FSTL5: variants seen among roughly 807,000 people sequenced by gnomAD.
FSTL5 encodes follistatin-related protein 5.
A neutral mutation model predicts 89.1 loss-of-function variants in FSTL5; 62 were observed. That is an observed-to-expected ratio of 0.70 (90% CI 0.57 to 0.86). FSTL5 has a LOEUF of 0.86. FSTL5 is among the 40% of genes least tolerant of loss of function. The pLI is 0.00. For missense variants in FSTL5, 1,057 were observed against 1,001.6 expected (o/e 1.06, Z -0.75); for synonymous variants, 383 against 346.2 (o/e 1.11, Z -1.18).
chr4:161,662,014 T>G (rs1425361306), intron 6 of FSTL5, among the ~76,000 whole-genome samples: 1 of 151,938 alleles, frequency 6.6e-6, no homozygotes, highest in Non-Finnish European at 1.5e-5. Flanking sequence ...TGTTGAGGAT[T>G]TTTTTTCATT....
chr4:162,076,438 G>A (rs1455318682), intron 2 of FSTL5, among the ~76,000 whole-genome samples: 1 of 151,834 alleles, frequency 6.6e-6, no homozygotes, highest in Non-Finnish European at 1.5e-5. Flanking sequence ...AAAATATAAT[G>A]TGCATTACAT....
In FSTL5 at chr4:161,386,420, G is replaced by A; in HGVS notation, c.1871C>T (p.Ala624Val). 6.2e-7 allele frequency: 1 copy of A among 1,611,526 alleles called. No individual in the cohort carries two copies. Among genetic ancestry groups the A allele is most frequent in the Non-Finnish European group, 8.5e-7 (1 of 1,178,664 alleles). ...TTCAAGATCAATTTTTTGTAGTGCAGCTTCATCTTTATGAAGAATAAATCC... is the reference window on the plus strand; with the variant it reads ...TTCAAGATCAATTTTTTGTAGTGCAACTTCATCTTTATGAAGAATAAATCC... ...RFGFILHKDE[A>V]ALQKIDLETM... The change falls in exon 16 of 16, where the codon GCT (alanine) becomes GTT (valine). Residue 624 changes from alanine to valine, a missense_variant. By Grantham distance (64) the Ala-to-Val change is moderately conservative (BLOSUM62 0). Coordinates refer to ENST00000306100, the MANE Select transcript of FSTL5 (RefSeq NM_020116.5).
At chr4:161,897,888 C>A (rs202118300) in intron 4 of FSTL5, among the ~76,000 whole-genome samples, 1 of 151,532 alleles carries the variant, frequency 6.6e-6, no homozygotes, top group Non-Finnish European at 1.5e-5. Flanking sequence ...ATTCATTCAT[C>A]CCCTTACCTA....
intron 2 of FSTL5, among the ~76,000 whole-genome samples, chr4:162,056,632 A>G (rs552775922): frequency 3.0e-4 from 45 of 152,298 alleles, no homozygotes; most frequent in African/African-American, 8.2e-4. Flanking sequence ...CAAAATCACT[A>G]TTTATTGTTT....
At chr4:161,976,813 C>T (rs950917569) in intron 3 of FSTL5, among the ~76,000 whole-genome samples, 4 of 152,012 alleles carry the variant, frequency 2.6e-5, no homozygotes, top group African/African-American at 7.2e-5. Flanking sequence ...TCTAGGAGCC[C>T]AGCCAACCCC....
At chr4:161,592,906 C>T (rs1248853474) in intron 7 of FSTL5, among the ~76,000 whole-genome samples, 1 of 152,166 alleles carries the variant, frequency 6.6e-6, no homozygotes, top group South Asian at 2.1e-4. Flanking sequence ...AAAAGCATTC[C>T]TATTTCTCCA....
intron 3 of FSTL5, among the ~76,000 whole-genome samples, chr4:161,948,001 G>A (rs1447495264): frequency 2.0e-5 from 3 of 152,000 alleles, no homozygotes; most frequent in African/African-American, 7.2e-5. Flanking sequence ...AGAATGCTGA[G>A]TATGGTGGCT....
At chr4:161,976,166 C>T (rs2111030939) in intron 3 of FSTL5, among the ~76,000 whole-genome samples, 1 of 150,970 alleles carries the variant, frequency 6.6e-6, no homozygotes, top group Middle Eastern at 3.4e-3. Flanking sequence ...TTCATCTCCA[C>T]TCACGTTTCA....
intron 5 of FSTL5, among the ~76,000 whole-genome samples, chr4:161,765,943 C>T (rs1338586292): frequency 2.0e-5 from 3 of 151,758 alleles, no homozygotes; most frequent in African/African-American, 7.3e-5. Flanking sequence ...TACAGGTGCT[C>T]GCCACCATGC....
chr4:161,524,963 A>C (rs1469616072), intron 10 of FSTL5, among the ~76,000 whole-genome samples: 1 of 152,024 alleles, frequency 6.6e-6, no homozygotes, highest in East Asian at 1.9e-4. Context: ...ATCTCAAAAA[A>C]AAAAAAAAAG....
chr4:161,699,735 AGCATTCC>A (rs1344089443), intron 6 of FSTL5, among the ~76,000 whole-genome samples: 3 of 152,194 alleles, frequency 2.0e-5, no homozygotes, highest in Non-Finnish European at 4.4e-5. Flanking sequence ...GTATCCTGAG[AGCATTCC>A]CATGGTGTTA....
intron 10 of FSTL5, among the ~76,000 whole-genome samples, chr4:161,536,004 C>G (rs749545456): frequency 1.3e-5 from 2 of 152,074 alleles, no homozygotes; most frequent in African/African-American, 4.8e-5. Context: ...CCAAATACCA[C>G]ATGTTCTCAC....
At chr4:162,079,411 T>C (rs1729998015) in intron 2 of FSTL5, among the ~76,000 whole-genome samples, 1 of 151,660 alleles carries the variant, frequency 6.6e-6, no homozygotes, top group Admixed American at 6.6e-5. Context: ...CTTTTTCATG[T>C]TTCACAAAAA....
chr4:162,035,302 A>G (rs1737692794), intron 2 of FSTL5: 1 of 152,144 alleles, frequency 6.6e-6, no homozygotes, highest in Non-Finnish European at 1.5e-5. Context: ...TATTCAGAAA[A>G]GATATGCTAC....
intron 4 of FSTL5, among the ~76,000 whole-genome samples, chr4:161,865,159 GA>G (rs929877122): frequency 2.2e-4 from 33 of 152,074 alleles, no homozygotes; most frequent in African/African-American, 7.5e-4. Flanking sequence ...TGTATCAAGT[GA>G]AAAGAGAAGA....
intron 2 of FSTL5, among the ~76,000 whole-genome samples, chr4:162,036,160 A>G (rs1478152668): frequency 6.6e-6 from 1 of 152,094 alleles, no homozygotes; most frequent in African/African-American, 2.4e-5. Context: ...AAGGATTTAC[A>G]TATCTAAACC....
chr4:161,938,880 T>A (rs1423972106), intron 3 of FSTL5, among the ~76,000 whole-genome samples: 1 of 152,010 alleles, frequency 6.6e-6, no homozygotes. Flanking sequence ...AAGTATTTTT[T>A]TTAATTGGTG....
chr4:161,666,878 C>T (rs1275957382), intron 6 of FSTL5, among the ~76,000 whole-genome samples: 2 of 152,026 alleles, frequency 1.3e-5, no homozygotes, highest in Non-Finnish European at 2.9e-5. Flanking sequence ...ATGGTAGTTT[C>T]TTCCTATGCT....
Position 162,074,875 on chromosome 4 carries a change from C to T in FSTL5, c.126+36396G>A, listed in dbSNP as rs1179546348. Among the ~76,000 whole-genome samples, 5 of 151,776 alleles carry T rather than the reference C, an allele frequency of 3.3e-5. 1 individual carries two copies. The East Asian group carries it at 7.8e-4, about 24-fold the overall frequency. On this transcript the variant is annotated intron_variant, in intron 2 of 15. Coordinates refer to ENST00000306100, the MANE Select transcript of FSTL5 (RefSeq NM_020116.5). ...CTAAACATCATACCTTAGCCTAGCC[C>T]ACCTTAGATGTGCTAAGAACACTTT...
Sources: allele counts gnomAD v4.1 joint callset (sites outside exome capture counted in the v4.1 genomes callset), GRCh38; gene constraint gnomAD v4.1.1; transcripts MANE v1.5; gene names NCBI Gene and HGNC (gene_info 2026-07-23, HGNC 2026-07-21).